CNNM2: variants seen among roughly 807,000 people sequenced by gnomAD.
CNNM2 encodes the protein metal transporter CNNM2.
CNNM2 carries 12 observed loss-of-function variants against 66.9 expected under a neutral mutation model. The ratio of observed to expected loss-of-function variants is 0.18; its 90% CI spans 0.11 to 0.29. The LOEUF (loss-of-function observed/expected upper bound fraction) is 0.29, where lower values mean the gene tolerates loss of function less well. Ranked by LOEUF, CNNM2 falls within the 10% of genes least tolerant of loss-of-function variation. The probability of loss-of-function intolerance (pLI) is 1.00; values close to 1 mark genes in which losing one functional copy is unlikely to be tolerated. For synonymous variants in CNNM2, 557 were observed against 501.8 expected, an observed-to-expected ratio of 1.11 and a Z score of -1.47; for missense variants, 705 against 1,167.7, an observed-to-expected ratio of 0.60 and a Z score of 5.77.
In CNNM2 at chr10:103,031,678, G is replaced by A. The variant is rs1324528238; in HGVS notation, c.1622-18029G>A. On this transcript the variant is annotated intron_variant, in intron 1 of 7. Transcript: ENST00000369878. ...GAAGTTTATATGGAGTGCAGTCCCA[G>A]GAAGCAGGAGTTCAGGACAAGGAAA... Among the ~76,000 whole-genome samples the A allele has an allele frequency of 2.0e-5, 3 of 152,132 alleles. No homozygotes were observed. The East Asian group carries it at 5.8e-4, about 29-fold the overall frequency.
At chr10:102,920,975 C>T (rs1432254088) in intron 1 of CNNM2, 1 of 466,028 alleles carries the variant, frequency 2.1e-6, no homozygotes, top group Non-Finnish European at 2.8e-6. Context: ...TTTCTTGACT[C>T]TTTCAGTTTA....
At chr10:102,971,344 G>T (rs2063544741) in intron 1 of CNNM2, among the ~76,000 whole-genome samples, 1 of 151,842 alleles carries the variant, frequency 6.6e-6, no homozygotes. Flanking sequence ...GTAGATGAAG[G>T]TATCACGTTA....
intron 1 of CNNM2, among the ~76,000 whole-genome samples, chr10:103,015,233 G>T (rs999222560): frequency 6.6e-6 from 1 of 152,130 alleles, no homozygotes; most frequent in African/African-American, 2.4e-5. Context: ...TGGGGGTGGA[G>T]ATTTAGGACT....
At position 103,089,991 on chromosome 10, in the gene CNNM2, G is replaced by A. The variant is rs1275721559; in HGVS notation, c.*12811G>A. ...AAATCCTAACCCCTCTCCTCTGTTA[G>A]GTGGCCATGCAATTACATCTATAAT... On this transcript the variant is annotated 3_prime_UTR_variant, in exon 8 of 8. Transcript: ENST00000369878. 5.4e-6 allele frequency: 6 copies of A among 1,113,946 alleles called. No homozygotes were observed. The highest frequency in any genetic ancestry group is 2.8e-5 in the Admixed American group (1 of 36,104). 69.0% of individuals were successfully genotyped at this position (1,113,946 alleles called of 1,614,324 possible).
chr10:103,056,902 G>T lies in CNNM2; in HGVS notation c.2011G>T (p.Ala671Ser), dbSNP rs760753155. 17 of 1,613,780 alleles carry T rather than the reference G, an allele frequency of 1.1e-5. No individual in the cohort carries two copies. Among genetic ancestry groups the T allele is most frequent in the Middle Eastern group, 1.6e-4 (1 of 6,084 alleles). Reference protein sequence around the residue: ...ELKYDEKNKKAPEYYLYQRNK... With the variant: ...ELKYDEKNKKSPEYYLYQRNK... ...GAAATATGATGAGAAGAACAAGAAA[G>T]CCCCCGAATACTACCTCTACCAGCG... The change falls in exon 4 of 8, where the codon GCC becomes TCC. Residue 671 changes from alanine to serine, a missense_variant. Physicochemically the swap from Ala to Ser is moderately conservative, Grantham distance 99. Around this residue, in one of 9 missense-constraint regions of CNNM2, gnomAD observed 171 missense variants for 304.8 expected, o/e 0.56. Coordinates refer to ENST00000369878, the MANE Select transcript of CNNM2 (RefSeq NM_017649.5).
intron 4 of CNNM2, among the ~76,000 whole-genome samples, chr10:103,064,040 C>T (rs995053905): frequency 1.4e-4 from 22 of 152,102 alleles, no homozygotes; most frequent in African/African-American, 5.3e-4. Context: ...AAGCTTAAAT[C>T]CTATAGAGAG....
At chr10:102,958,231 C>T (rs946775665) in intron 1 of CNNM2, among the ~76,000 whole-genome samples, 3 of 151,746 alleles carry the variant, frequency 2.0e-5, no homozygotes, top group South Asian at 2.1e-4. Flanking sequence ...CCACTGCGCC[C>T]GGCCTGAGCC....
At position 103,089,466 on chromosome 10, in the gene CNNM2, T is replaced by C; in HGVS notation, c.*12286T>C. 1 of 794,042 alleles carries C rather than the reference T, an allele frequency of 1.3e-6. No homozygotes were observed. The highest frequency in any genetic ancestry group is 1.8e-6 in the Non-Finnish European group (1 of 553,906). The allele number at this position is 794,042 out of a possible 1,614,324, so 49.2% of individuals were successfully genotyped here. On this transcript the variant is annotated 3_prime_UTR_variant, in exon 8 of 8. Coordinates refer to ENST00000369878, the MANE Select transcript of CNNM2 (RefSeq NM_017649.5). ...TTATTTTCTTCTAATACAGACTCCA[T>C]TACAATTTTGGACCATCTGCAGAGA...
intron 1 of CNNM2, among the ~76,000 whole-genome samples, chr10:103,017,409 C>T (rs1021093043): frequency 6.6e-6 from 1 of 152,054 alleles, no homozygotes; most frequent in African/African-American, 2.4e-5. Flanking sequence ...GCAGACTAAG[C>T]AAATAAATAT....
At chr10:102,959,924 C>A (rs1404106882) in intron 1 of CNNM2, among the ~76,000 whole-genome samples, 2 of 151,888 alleles carry the variant, frequency 1.3e-5, no homozygotes, top group South Asian at 4.2e-4. Context: ...TGGTGGCAGG[C>A]ACCTGTAGTC....
At chr10:102,929,246 G>A (rs1208807372) in intron 1 of CNNM2, among the ~76,000 whole-genome samples, 3 of 152,070 alleles carry the variant, frequency 2.0e-5, no homozygotes, top group East Asian at 3.9e-4. Flanking sequence ...GCGACAGAGC[G>A]AGACTCTGTC....
chr10:102,937,768 C>T (rs913797538), intron 1 of CNNM2, among the ~76,000 whole-genome samples: 1 of 150,200 alleles, frequency 6.7e-6, no homozygotes, highest in Admixed American at 6.7e-5. Context: ...CGTTCTTTTT[C>T]TGGATGTATA....
intron 1 of CNNM2, among the ~76,000 whole-genome samples, chr10:102,925,614 C>T (rs958529574): frequency 2.6e-5 from 4 of 152,224 alleles, no homozygotes; most frequent in African/African-American, 9.6e-5. Context: ...GTTCTTCCTG[C>T]TCCAGCAGGC....
chr10:102,973,862 T>A (rs910844610), intron 1 of CNNM2, among the ~76,000 whole-genome samples: 3 of 143,524 alleles, frequency 2.1e-5, no homozygotes, highest in Non-Finnish European at 3.1e-5. Flanking sequence ...ATTTACTTAT[T>A]GAATCCTTAT....
At chr10:102,972,565 G>A (rs762151822) in intron 1 of CNNM2, among the ~76,000 whole-genome samples, 10 of 152,190 alleles carry the variant, frequency 6.6e-5, no homozygotes, top group African/African-American at 1.2e-4. Flanking sequence ...GAACCCGGGC[G>A]GCGGAGCTTG....
In CNNM2 at chr10:103,060,201, T is replaced by C. The variant is rs1021634858; in HGVS notation, c.2073+3237T>C. On this transcript the variant is annotated intron_variant, in intron 4 of 7. Transcript: ENST00000369878. ...ATGTTACAGTGTACATGCTAGTAAA[T>C]ACAAAAAGATAGAAATTTCATGAAA... 2.0e-5 allele frequency among the ~76,000 whole-genome samples: 3 copies of C among 152,076 alleles called. No individual in the cohort carries two copies. In the East Asian group the frequency reaches 5.8e-4, roughly 29 times the overall value.
intron 1 of CNNM2, among the ~76,000 whole-genome samples, chr10:102,940,289 TG>T (rs754288694): frequency 4.7e-4 from 72 of 151,874 alleles, no homozygotes; most frequent in Non-Finnish European, 9.0e-4. Flanking sequence ...ATAATTGATC[TG>T]TTTTGAAAAC....
intron 1 of CNNM2, among the ~76,000 whole-genome samples, chr10:102,946,765 G>A (rs901268866): frequency 2.0e-5 from 3 of 152,130 alleles, no homozygotes; most frequent in African/African-American, 4.8e-5. Flanking sequence ...TTGCAACCGG[G>A]ATAGAACTTG....
intron 1 of CNNM2, among the ~76,000 whole-genome samples, chr10:102,995,273 C>T (rs2063976227): frequency 6.9e-6 from 1 of 144,504 alleles, no homozygotes; most frequent in Non-Finnish European, 1.5e-5. Flanking sequence ...AGTGCAGTGG[C>T]ATGATCATGG....
Sources: allele counts gnomAD v4.1 joint callset (sites outside exome capture counted in the v4.1 genomes callset), GRCh38; gene constraint gnomAD v4.1.1; regional missense constraint gnomAD v4.1.1; transcripts MANE v1.5; gene names NCBI Gene and HGNC (gene_info 2026-07-23, HGNC 2026-07-21).